ELMO1: variants seen among roughly 807,000 people sequenced by gnomAD.
The protein encoded by ELMO1 is engulfment and cell motility 1, also known as engulfment and cell motility protein 1.
ELMO1 carries 26 observed loss-of-function variants against 98.9 expected under a neutral mutation model. The observed-to-expected ratio is 0.26, with a 90% CI of 0.19 to 0.36. ELMO1 has a LOEUF of 0.36. Among genes scored for constraint, ELMO1 ranks in the 10% least tolerant of loss-of-function variants. The pLI, the probability that ELMO1 is intolerant of heterozygous loss-of-function variation, is 1.00. For missense variants in ELMO1, 627 were observed against 935.2 expected (o/e 0.67, Z 4.30); for synonymous variants, 346 against 346.0 (o/e 1.00, Z 0.00).
intron 1 of ELMO1, among the ~76,000 whole-genome samples, chr7:37,382,492 T>C (rs1478614146): frequency 6.6e-6 from 1 of 152,178 alleles, no homozygotes; most frequent in Admixed American, 6.5e-5. Flanking sequence ...AAACAGGACA[T>C]GCTCTTGGCC....
intron 16 of ELMO1, among the ~76,000 whole-genome samples, chr7:36,931,372 G>T (rs1786024295): frequency 6.6e-6 from 1 of 152,194 alleles, no homozygotes; most frequent in African/African-American, 2.4e-5. Flanking sequence ...AGCTGAGGCG[G>T]GTGGATCACC....
At chr7:36,944,222 A>G (rs1787287459) in intron 16 of ELMO1, among the ~76,000 whole-genome samples, 1 of 152,228 alleles carries the variant, frequency 6.6e-6, no homozygotes. Context: ...CAGCTAGTAA[A>G]TGTCAGAGCA....
chr7:37,171,481 CTA>C (rs1563054353), intron 13 of ELMO1, among the ~76,000 whole-genome samples: 1 of 44,268 alleles, frequency 2.3e-5, no homozygotes, highest in Admixed American at 3.2e-4. Context: ...CCAGGCCTTT[CTA>C]TTTTTTTTTT....
chr7:37,029,182 T>C (rs1794744691), intron 15 of ELMO1, among the ~76,000 whole-genome samples: 1 of 152,118 alleles, frequency 6.6e-6, no homozygotes, highest in Non-Finnish European at 1.5e-5. Context: ...AGAGGTCTCC[T>C]TGGCCCAGAA....
intron 13 of ELMO1, among the ~76,000 whole-genome samples, chr7:37,170,224 G>T (rs186055847): frequency 6.6e-6 from 1 of 152,152 alleles, no homozygotes; most frequent in Non-Finnish European, 1.5e-5. Context: ...ATTTCTTTTC[G>T]TCTATTTCCA....
At chr7:37,206,856 T>C (rs118155764) in intron 13 of ELMO1, among the ~76,000 whole-genome samples, 1,697 of 152,004 alleles carry the variant, frequency 0.011, 43 homozygotes, top group Admixed American at 0.045. Context: ...TTATTTTCTC[T>C]GCAGTCAAGA....
At chr7:37,409,824 G>A (rs535775720) in intron 1 of ELMO1, among the ~76,000 whole-genome samples, 1 of 152,310 alleles carries the variant, frequency 6.6e-6, no homozygotes, top group South Asian at 2.1e-4. Flanking sequence ...CAAATGGAAG[G>A]AACATAAACC....
chr7:37,211,109 T>A (rs1178385152), intron 13 of ELMO1: 4 of 316,050 alleles, frequency 1.3e-5, no homozygotes, highest in Non-Finnish European at 2.4e-5. Context: ...TTTAATGAAG[T>A]CGAGATACAT....
At chr7:36,985,885 T>C (rs1318780675) in intron 16 of ELMO1, 22 of 998,274 alleles carry the variant, frequency 2.2e-5, no homozygotes, top group Middle Eastern at 2.8e-4. Flanking sequence ...AGGCTGATAA[T>C]ACCGGTGGAC....
chr7:37,014,496 T>A (rs1447945769), intron 15 of ELMO1, among the ~76,000 whole-genome samples: 1 of 152,154 alleles, frequency 6.6e-6, no homozygotes, highest in Non-Finnish European at 1.5e-5. Flanking sequence ...CATAGGTATA[T>A]ATGTAACATG....
intron 4 of ELMO1, among the ~76,000 whole-genome samples, chr7:37,287,205 A>C (rs1020404660): frequency 9.9e-5 from 15 of 152,164 alleles, no homozygotes; most frequent in African/African-American, 3.6e-4. Flanking sequence ...AAAAAAAAAA[A>C]AAAAAATTGT....
At chr7:36,969,052 G>GTT (rs1214368901) in intron 16 of ELMO1, among the ~76,000 whole-genome samples, 1 of 152,070 alleles carries the variant, frequency 6.6e-6, no homozygotes, top group African/African-American at 2.4e-5. Flanking sequence ...CTTTAGCCAT[G>GTT]TAAGTGATGC....
intron 15 of ELMO1, among the ~76,000 whole-genome samples, chr7:37,072,065 A>C (rs1322001981): frequency 2.0e-5 from 3 of 152,198 alleles, no homozygotes; most frequent in African/African-American, 7.2e-5. Context: ...CTCAAAAATA[A>C]TCTAAAACTT....
At chr7:36,962,122 C>T (rs1480652255) in intron 16 of ELMO1, among the ~76,000 whole-genome samples, 1 of 152,212 alleles carries the variant, frequency 6.6e-6, no homozygotes, top group Non-Finnish European at 1.5e-5. Context: ...AGGGAAGTTT[C>T]CAGCTCTAAC....
intron 13 of ELMO1, among the ~76,000 whole-genome samples, chr7:37,154,687 C>G (rs1270786824): frequency 2.0e-5 from 3 of 152,144 alleles, no homozygotes; most frequent in African/African-American, 4.8e-5. Flanking sequence ...CTACATTTGA[C>G]TAGTGCACCT....
intron 21 of ELMO1, among the ~76,000 whole-genome samples, chr7:36,859,775 G>T (rs957856419): frequency 6.6e-5 from 10 of 152,170 alleles, no homozygotes; most frequent in African/African-American, 1.7e-4. Flanking sequence ...AGCCAGGGTC[G>T]TTATACTTAC....
chr7:37,415,774 C>T (rs1432445350), intron 1 of ELMO1, among the ~76,000 whole-genome samples: 2 of 152,154 alleles, frequency 1.3e-5, no homozygotes, highest in Non-Finnish European at 2.9e-5. Flanking sequence ...TAATAACTCT[C>T]AATATAAAGT....
chr7:37,236,756 A>G (rs1794488092), intron 7 of ELMO1, among the ~76,000 whole-genome samples: 1 of 152,166 alleles, frequency 6.6e-6, no homozygotes, highest in South Asian at 2.1e-4. Context: ...AAATTTTATT[A>G]CATTCCAAAT....
intron 4 of ELMO1, among the ~76,000 whole-genome samples, chr7:37,294,066 CT>C (rs1235549973): frequency 1.3e-5 from 2 of 152,100 alleles, no homozygotes; most frequent in African/African-American, 4.8e-5. Context: ...ATGGCATATA[CT>C]TTTTAAAATA....
Sources: gnomAD v4.1 joint callset for allele counts (sites outside exome capture counted in the v4.1 genomes callset) on GRCh38, gnomAD v4.1.1 for gene constraint, MANE v1.5 for transcripts, NCBI Gene and HGNC (gene_info 2026-07-23, HGNC 2026-07-21) for gene names.